Variants in AGPS observed in about 807,000 individuals in gnomAD.
AGPS encodes the protein alkylglycerone phosphate synthase.
Under a neutral mutation model 90.7 loss-of-function variants are expected in AGPS, and 26 were observed. The ratio of observed to expected loss-of-function variants is 0.29; its 90% CI spans 0.21 to 0.40. AGPS has a LOEUF of 0.40. Ranked by LOEUF, AGPS falls within the 10% of genes least tolerant of loss-of-function variation. AGPS has a pLI of 1.00. For missense variants in AGPS, 540 were observed against 816.1 expected (o/e 0.66, Z 4.12); for synonymous variants, 294 against 285.3 (o/e 1.03, Z -0.31).
chr2:177,455,722 T>A (rs1314582355), intron 8 of AGPS, among the ~76,000 whole-genome samples: 1 of 152,130 alleles, frequency 6.6e-6, no homozygotes, highest in Non-Finnish European at 1.5e-5. Context: ...CACTTCTAAT[T>A]ATTCTGTATA....
intron 8 of AGPS, among the ~76,000 whole-genome samples, chr2:177,459,784 A>G (rs548699831): frequency 7.2e-5 from 11 of 152,232 alleles, no homozygotes; most frequent in Non-Finnish European, 1.5e-4. Context: ...AGAACTAGAA[A>G]TACCATTTGA....
intron 19 of AGPS, among the ~76,000 whole-genome samples, chr2:177,526,227 C>CTTTT (rs749224337): frequency 2.3e-4 from 28 of 124,298 alleles, no homozygotes; most frequent in African/African-American, 5.8e-4. Flanking sequence ...AGCTTCTTGT[C>CTTTT]TTTTTTTTTT....
chr2:177,392,894 G>A lies in AGPS; in HGVS notation c.105G>A (p.Gly35=), dbSNP rs1239587809. Residue 35 remains glycine, a synonymous_variant, in exon 1 of 20, where the codon GGG becomes GGA. Coordinates refer to ENST00000264167, the MANE Select transcript of AGPS (RefSeq NM_003659.4). The stretch of plus-strand genomic sequence containing the variant: ...GGGACCCGGACCCGGACCGCGCCGG[G>A]CGGAGGCTGCGGGTTCTCTCTGGCC... ...RDRDPDPDRA[G]RRLRVLSGHL... The A allele has an allele frequency of 6.5e-7, 1 of 1,550,378 alleles. No homozygotes were observed. Among genetic ancestry groups the A allele is most frequent in the South Asian group, 1.2e-5 (1 of 84,130 alleles).
intron 8 of AGPS, among the ~76,000 whole-genome samples, chr2:177,454,157 C>A (rs1219581958): frequency 6.6e-6 from 1 of 151,188 alleles, no homozygotes; most frequent in Non-Finnish European, 1.5e-5. Flanking sequence ...TCCATTATTT[C>A]TTCAACTATC....
intron 14 of AGPS, among the ~76,000 whole-genome samples, 193 bp from the exon 15 acceptor site, chr2:177,505,313 G>C (rs1004285507): frequency 5.3e-5 from 8 of 151,860 alleles, no homozygotes; most frequent in South Asian, 2.1e-4. Context: ...TTGAGAATAT[G>C]GGTAGAAGTA....
chr2:177,425,336 C>T (rs1054523279), intron 2 of AGPS, among the ~76,000 whole-genome samples: 1 of 152,026 alleles, frequency 6.6e-6, no homozygotes, highest in Non-Finnish European at 1.5e-5. Context: ...AATAGGGAAT[C>T]CTGGCCGGGC....
rs570606477 is a variant in AGPS, at chr2:177,430,949, G to A, written c.351-3378G>A. 5.9e-5 allele frequency among the ~76,000 whole-genome samples: 9 copies of A among 152,070 alleles called. 1 individual carries two copies. The South Asian group carries it at 1.9e-3, about 32-fold the overall frequency. ...TTTGTTAGACTTTGTCTTTTTGATG[G>A]CATAATTTTTAATTGAAGCTTTATC... is the stretch of plus-strand genomic sequence containing the variant. On this transcript the variant is annotated intron_variant, in intron 2 of 19. Transcript: ENST00000264167.
chr2:177,423,512 A>C (rs1312846329), intron 2 of AGPS, among the ~76,000 whole-genome samples: 3 of 152,020 alleles, frequency 2.0e-5, no homozygotes, highest in African/African-American at 7.3e-5. Flanking sequence ...AAAGAAATAT[A>C]ACAGAGCTGG....
chr2:177,510,175 TG>T (rs1688829935), intron 16 of AGPS, among the ~76,000 whole-genome samples: 1 of 152,198 alleles, frequency 6.6e-6, no homozygotes, highest in African/African-American at 2.4e-5. Context: ...CTTACAGCTC[TG>T]GAGGCTTGGA....
chr2:177,503,257 AT>A (rs1688612103), intron 14 of AGPS, among the ~76,000 whole-genome samples: 1 of 152,206 alleles, frequency 6.6e-6, no homozygotes, highest in Non-Finnish European at 1.5e-5. Flanking sequence ...CTAGTAATGT[AT>A]TTTAACTTCT....
In AGPS at chr2:177,505,557, T is replaced by C. The variant is rs1688684406; in HGVS notation, c.1527T>C (p.Tyr509=). 2 of 1,612,140 alleles carry C rather than the reference T, an allele frequency of 1.2e-6. No homozygotes were observed. The highest frequency in any genetic ancestry group is 1.7e-6 in the Non-Finnish European group (2 of 1,178,688). ...DNGQRGYLLT[Y]VIAYIRDLAL... is the part of the protein sequence containing the mutation. ...GACAGAGAGGTTATTTGCTGACCTA[T>C]GTTATTGCATACATTCGAGTAAGTT... Residue 509 remains tyrosine, a synonymous_variant, in exon 15 of 20, where the codon TAT becomes TAC. Coordinates refer to ENST00000264167, the MANE Select transcript of AGPS (RefSeq NM_003659.4).
intron 10 of AGPS, among the ~76,000 whole-genome samples, chr2:177,475,717 C>G (rs938906275): frequency 1.3e-5 from 2 of 152,132 alleles, no homozygotes; most frequent in African/African-American, 4.8e-5. Context: ...GAGATTGTTT[C>G]CACATTTTGG....
At chr2:177,460,653 G>T (rs1374701329) in intron 8 of AGPS, among the ~76,000 whole-genome samples, 1 of 152,132 alleles carries the variant, frequency 6.6e-6, no homozygotes, top group Non-Finnish European at 1.5e-5. Flanking sequence ...TTGAGTAACA[G>T]TAGTGTTTTA....
intron 3 of AGPS, among the ~76,000 whole-genome samples, chr2:177,434,660 C>A (rs1385195293): frequency 6.6e-6 from 1 of 151,962 alleles, no homozygotes; most frequent in Non-Finnish European, 1.5e-5. Flanking sequence ...CCTCTCTGAG[C>A]CTTGGTTATT....
At chr2:177,412,753 G>C (rs1042647826) in intron 1 of AGPS, among the ~76,000 whole-genome samples, 1 of 152,114 alleles carries the variant, frequency 6.6e-6, no homozygotes, top group African/African-American at 2.4e-5. Context: ...TGGCCTCACG[G>C]ATTCCAAGGA....
intron 1 of AGPS, among the ~76,000 whole-genome samples, chr2:177,402,688 A>G (rs2105588051): frequency 6.6e-6 from 1 of 152,292 alleles, no homozygotes; most frequent in South Asian, 2.1e-4. Flanking sequence ...GTGTCATAGG[A>G]TATAATATGT....
chr2:177,425,189 C>T (rs1016550284), intron 2 of AGPS, among the ~76,000 whole-genome samples: 34 of 152,050 alleles, frequency 2.2e-4, no homozygotes, highest in African/African-American at 8.0e-4. Flanking sequence ...AGATTTTTTT[C>T]TGGGGTTTTT....
intron 5 of AGPS, 112 bp from the exon 6 acceptor site, chr2:177,440,853 C>T: frequency 1.2e-6 from 1 of 842,234 alleles, no homozygotes; most frequent in Non-Finnish European, 2.0e-6. Context: ...TGTTAATGAG[C>T]AAATGAATGA....
chr2:177,408,669 C>T (rs1685531655), intron 1 of AGPS, among the ~76,000 whole-genome samples: 1 of 152,180 alleles, frequency 6.6e-6, no homozygotes, highest in African/African-American at 2.4e-5. Context: ...TACTCAGGGC[C>T]ATCCTCTCCT....
Sources: gnomAD v4.1 joint callset for allele counts (sites outside exome capture counted in the v4.1 genomes callset) on GRCh38, gnomAD v4.1.1 for gene constraint, MANE v1.5 for transcripts, NCBI Gene and HGNC (gene_info 2026-07-23, HGNC 2026-07-21) for gene names.